The following YTHDC2 variants were observed in gnomAD, a reference collection of about 807,000 sequenced individuals.
YTHDC2 encodes the protein YTH N6-methyladenosine RNA binding protein C2, also known as 3'-5' RNA helicase YTHDC2.
A neutral mutation model predicts 174.9 loss-of-function variants in YTHDC2; 45 were observed. The observed-to-expected ratio is 0.26, with a 90% confidence interval of 0.20 to 0.33. The LOEUF (loss-of-function observed/expected upper bound fraction) is 0.33, where lower values mean the gene tolerates loss of function less well. Among genes scored for constraint, YTHDC2 ranks in the 10% least tolerant of loss-of-function variants. The pLI is 1.00. For missense variants in YTHDC2, 1,650 were observed against 1,723.7 expected (o/e 0.96, Z 0.76); for synonymous variants, 657 against 574.5 (o/e 1.14, Z -2.05).
intron 2 of YTHDC2, chr5:113,517,654 G>GC: frequency 2.2e-6 from 1 of 452,228 alleles, no homozygotes; most frequent in Non-Finnish European, 4.4e-6. Flanking sequence ...TAACCTTAAT[G>GC]CTTTCAAACC....
chr5:113,518,641 T>G (rs1773654208), intron 2 of YTHDC2, among the ~76,000 whole-genome samples: 1 of 151,744 alleles, frequency 6.6e-6, no homozygotes, highest in South Asian at 2.1e-4. Flanking sequence ...AGTACCTATT[T>G]GAGAGGCCAC....
At chr5:113,567,038 A>G (rs533440862) in intron 21 of YTHDC2, 54 bp from the exon 22 acceptor site, 17 of 1,534,784 alleles carry the variant, frequency 1.1e-5, no homozygotes, top group South Asian at 6.2e-5. Context: ...GAAAAAATAC[A>G]CAAAAGTATC....
At chr5:113,539,977 C>T (rs992621394) in intron 8 of YTHDC2, among the ~76,000 whole-genome samples, 2 of 152,150 alleles carry the variant, frequency 1.3e-5, no homozygotes, top group African/African-American at 4.8e-5. Context: ...TCATGGCTCA[C>T]TGCAGCCTCG....
chr5:113,567,315 C>A lies in YTHDC2; in HGVS notation c.3048+18C>A. The A allele has an allele frequency of 6.3e-7, 1 of 1,586,492 alleles. No individual in the cohort carries two copies. Among genetic ancestry groups the A allele is most frequent in the Non-Finnish European group, 8.6e-7 (1 of 1,169,040 alleles). ...ATAAAAAGGTAAAAGATTTTGAATG[C>A]TGTTGGGTTTTGAGGTGAAACTAAT... is the stretch of plus-strand genomic sequence containing the variant. On this transcript the variant is annotated intron_variant, in intron 22 of 29. Coordinates refer to ENST00000161863, the MANE Select transcript of YTHDC2 (RefSeq NM_022828.5).
At chr5:113,543,871 A>G (rs1161926500) in intron 10 of YTHDC2, among the ~76,000 whole-genome samples, 1 of 152,186 alleles carries the variant, frequency 6.6e-6, no homozygotes, top group Non-Finnish European at 1.5e-5. Flanking sequence ...ACATGGCCCA[A>G]TGCCTACTTA....
chr5:113,542,266 A>G, intron 9 of YTHDC2, 102 bp from the exon 10 acceptor site: 5 of 1,204,808 alleles, frequency 4.2e-6, no homozygotes, highest in East Asian at 2.4e-5. Flanking sequence ...CTATATTATC[A>G]TAGGATTAGT....
At chr5:113,538,755 C>T (rs1050041027) in intron 7 of YTHDC2, among the ~76,000 whole-genome samples, 5 of 152,056 alleles carry the variant, frequency 3.3e-5, no homozygotes, top group African/African-American at 1.2e-4. Context: ...TCTGTCTCTT[C>T]CACTAGCTTG....
At chr5:113,533,398 A>T (rs1774825906) in intron 5 of YTHDC2, among the ~76,000 whole-genome samples, 1 of 151,872 alleles carries the variant, frequency 6.6e-6, no homozygotes, top group African/African-American at 2.4e-5. Flanking sequence ...AAAAATACAA[A>T]ATTATCCGGG....
At chr5:113,566,333 A>G (rs1440752400) in intron 21 of YTHDC2, among the ~76,000 whole-genome samples, 1 of 152,100 alleles carries the variant, frequency 6.6e-6, no homozygotes, top group Non-Finnish European at 1.5e-5. Context: ...TTCTTTTATC[A>G]CCATTAATGA....
At chr5:113,579,490 AG>A (rs1024938375) in intron 23 of YTHDC2, 95 bp from the exon 24 acceptor site, 14 of 734,932 alleles carry the variant, frequency 1.9e-5, no homozygotes, top group Non-Finnish European at 2.3e-5. Flanking sequence ...GTATGTCAGG[AG>A]GGTTTGTGTA....
At position 113,514,206 on chromosome 5, in the gene YTHDC2, G is replaced by A. The variant is rs1773233047; in HGVS notation, c.187+124G>A. 6 of 1,286,606 alleles carry A rather than the reference G, an allele frequency of 4.7e-6. No individual in the cohort carries two copies. The South Asian group carries it at 7.7e-5, about 16-fold the overall frequency. The allele number at this position is 1,286,606 out of a possible 1,614,324, so 79.7% of individuals were successfully genotyped here. A position where few individuals can be genotyped will look rare whatever the true frequency, so the allele number is the denominator to read the frequency against. On this transcript the variant is annotated intron_variant, in intron 1 of 29. Coordinates refer to ENST00000161863, the MANE Select transcript of YTHDC2 (RefSeq NM_022828.5). The stretch of plus-strand genomic sequence containing the variant: ...AGAGGGAGGGAAGACCCGGGCCACC[G>A]TCCGGGGCGGGCCTCAGCGGCGGCA...
intron 23 of YTHDC2, among the ~76,000 whole-genome samples, chr5:113,576,584 C>T (rs193267616): frequency 1.3e-5 from 2 of 152,278 alleles, no homozygotes; most frequent in East Asian, 3.9e-4. Flanking sequence ...ACTATGCCAT[C>T]ATTTGGTGTT....
chr5:113,567,598 C>T, intron 22 of YTHDC2, 56 bp from the exon 23 acceptor site: 2 of 1,381,132 alleles, frequency 1.4e-6, no homozygotes, highest in Non-Finnish European at 2.0e-6. Context: ...AAAGTATTTC[C>T]AATAAACTAG....
chr5:113,591,236 C>T lies in YTHDC2; in HGVS notation c.4021C>T (p.His1341Tyr), dbSNP rs1274940648. 1.2e-6 allele frequency: 2 copies of T among 1,613,664 alleles called. No homozygotes were observed. The highest frequency in any genetic ancestry group is 1.7e-6 in the Non-Finnish European group (2 of 1,179,788). Residue 1341 changes from histidine to tyrosine, a missense_variant, in exon 27 of 30, where the codon CAT becomes TAT. By Grantham distance (83) the His-to-Tyr change is moderately conservative (BLOSUM62 2). Around this residue, in one of 5 missense-constraint regions of YTHDC2, gnomAD observed 913 missense variants for 940.4 expected, o/e 0.97. Coordinates refer to ENST00000161863, the MANE Select transcript of YTHDC2 (RefSeq NM_022828.5). Reference protein sequence around the residue: ...YLVFSVQGSGHFQGFSRMSSE... With the variant: ...YLVFSVQGSGYFQGFSRMSSE... ...GGTATTTTCTGTTCAAGGATCTGGA[C>T]ATTTCCAGGTGAGCCACCCTGAATC...
intron 4 of YTHDC2, among the ~76,000 whole-genome samples, chr5:113,530,988 C>T (rs1445427720): frequency 1.3e-4 from 20 of 152,070 alleles, no homozygotes; most frequent in Admixed American, 1.1e-3. Flanking sequence ...TCTTCCCGCC[C>T]CCCAACTCCT....
intron 12 of YTHDC2, among the ~76,000 whole-genome samples, chr5:113,552,664 T>C (rs939278432): frequency 6.6e-6 from 1 of 152,126 alleles, no homozygotes; most frequent in Non-Finnish European, 1.5e-5. Flanking sequence ...TCATTTCTCT[T>C]ATATATACAC....
At chr5:113,562,474 T>C (rs1158726218) in intron 18 of YTHDC2, among the ~76,000 whole-genome samples, 2 of 152,118 alleles carry the variant, frequency 1.3e-5, no homozygotes, top group East Asian at 3.8e-4. Flanking sequence ...CCAATGCTTA[T>C]GTGTGATTTT....
intron 7 of YTHDC2, among the ~76,000 whole-genome samples, chr5:113,536,688 G>A (rs1003914989): frequency 1.3e-5 from 2 of 152,010 alleles, no homozygotes; most frequent in Admixed American, 6.5e-5. Flanking sequence ...TTTACTTAAT[G>A]TAAGAACACA....
At chr5:113,546,793 T>A (rs1228335761) in intron 10 of YTHDC2, among the ~76,000 whole-genome samples, 1 of 152,184 alleles carries the variant, frequency 6.6e-6, no homozygotes, top group East Asian at 1.9e-4. Flanking sequence ...CTGAAGGTTT[T>A]TGGGGCTGGA....
Sources: allele counts gnomAD v4.1 joint callset (sites outside exome capture counted in the v4.1 genomes callset), GRCh38; gene constraint gnomAD v4.1.1; regional missense constraint gnomAD v4.1.1; transcripts MANE v1.5; gene names NCBI Gene and HGNC (gene_info 2026-07-23, HGNC 2026-07-21).